The following PDE1C variants were observed in gnomAD, a reference collection of about 807,000 sequenced individuals.
PDE1C encodes dual specificity calcium/calmodulin-dependent 3',5'-cyclic nucleotide phosphodiesterase 1C.
Under a neutral mutation model 93.1 loss-of-function variants are expected in PDE1C, and 62 were observed. That is an observed-to-expected ratio of 0.67 (90% CI 0.54 to 0.82). PDE1C has a LOEUF of 0.82. PDE1C is among the 40% of genes least tolerant of loss of function. PDE1C has a pLI of 0.00. For missense variants in PDE1C, 742 were observed against 884.6 expected, an observed-to-expected ratio of 0.84 and a Z score of 2.04; for synonymous variants, 325 against 310.1, an observed-to-expected ratio of 1.05 and a Z score of -0.50.
chr7:31,733,912 G>T, the PDE1C span, among the ~76,000 whole-genome samples: 1 of 152,206 alleles, frequency 6.6e-6, no homozygotes, highest in African/African-American at 2.4e-5. Context: ...GCTGAGGCAA[G>T]AAGATCGCTT....
chr7:32,264,845 C>T (rs1177946211), intron 1 of PDE1C, among the ~76,000 whole-genome samples: 5 of 152,170 alleles, frequency 3.3e-5, no homozygotes, highest in Non-Finnish European at 7.3e-5. Flanking sequence ...TACTGAGGAG[C>T]CTCTTGCACT....
chr7:31,753,584 G>C (rs759153311), intron 17 of PDE1C, 31 bp from the exon 18 acceptor site: 4 of 1,596,356 alleles, frequency 2.5e-6, no homozygotes. Flanking sequence ...GACAGACAAC[G>C]GTTAGCCTCA....
intron 2 of PDE1C, among the ~76,000 whole-genome samples, chr7:31,882,175 A>G (rs1797336955): frequency 6.6e-6 from 1 of 152,228 alleles, no homozygotes; most frequent in South Asian, 2.1e-4. Context: ...TACAAATAAC[A>G]TTAGATTCAG....
intron 16 of PDE1C, among the ~76,000 whole-genome samples, chr7:31,796,284 T>C (rs908452971): frequency 2.6e-5 from 4 of 151,538 alleles, no homozygotes; most frequent in African/African-American, 9.7e-5. Flanking sequence ...GTATGATTTA[T>C]GTATGTGTGT....
intron 16 of PDE1C, among the ~76,000 whole-genome samples, chr7:31,794,093 T>TAGATAGATAGATAGATAGATAGATAGAG (rs1784978934): frequency 7.5e-6 from 1 of 132,880 alleles, no homozygotes; most frequent in African/African-American, 3.0e-5. Context: ...GACAGACAGA[T>TAGATAGATAGATAGATAGATAGATAGAG]AGATAGACAG....
At chr7:31,877,939 G>A (rs1796792024) in intron 5 of PDE1C, 31 bp downstream of exon 5, 1 of 1,466,422 alleles carries the variant, frequency 6.8e-7, no homozygotes, top group Non-Finnish European at 9.5e-7. Context: ...TAGGTACCAT[G>A]TACATTGTAA....
At chr7:31,699,037 C>T in the PDE1C span, among the ~76,000 whole-genome samples, 1 of 152,120 alleles carries the variant, frequency 6.6e-6, no homozygotes, top group Non-Finnish European at 1.5e-5. Context: ...AAGAAAAAGT[C>T]CTTGCTCTCA....
At chr7:32,192,544 T>C (rs989669494) in intron 2 of PDE1C, among the ~76,000 whole-genome samples, 5 of 152,178 alleles carry the variant, frequency 3.3e-5, no homozygotes, top group Non-Finnish European at 7.4e-5. Flanking sequence ...ATTCTATTAA[T>C]TTGTAAGTCT....
the PDE1C span, among the ~76,000 whole-genome samples, chr7:31,733,608 T>A: frequency 1.3e-5 from 2 of 152,210 alleles, no homozygotes; most frequent in African/African-American, 4.8e-5. Context: ...TCCTGCTGCC[T>A]GGAATGCAGT....
intron 1 of PDE1C, among the ~76,000 whole-genome samples, chr7:32,338,785 C>T (rs1164227143): frequency 2.6e-5 from 4 of 152,070 alleles, no homozygotes; most frequent in East Asian, 1.9e-4. Context: ...GGGCGGATCA[C>T]GAGGTCAGGA....
the PDE1C span, among the ~76,000 whole-genome samples, chr7:31,710,211 A>C: frequency 6.6e-6 from 1 of 152,208 alleles, no homozygotes; most frequent in East Asian, 1.9e-4. Context: ...TTCAGAAAGA[A>C]GGCTCAAACT....
At chr7:31,639,625 C>T in the PDE1C span, among the ~76,000 whole-genome samples, 2 of 151,298 alleles carry the variant, frequency 1.3e-5, no homozygotes, top group East Asian at 3.9e-4. Context: ...AAAGCTCTGC[C>T]TCCCGGGTTC....
At chr7:31,826,625 C>T (rs1197620881) in intron 12 of PDE1C, among the ~76,000 whole-genome samples, 5 of 152,096 alleles carry the variant, frequency 3.3e-5, no homozygotes, top group African/African-American at 4.8e-5. Flanking sequence ...CTCAGCTTTG[C>T]GTTCAGCCAA....
intron 2 of PDE1C, among the ~76,000 whole-genome samples, chr7:31,900,276 A>C (rs1799807268): frequency 6.6e-6 from 1 of 152,154 alleles, no homozygotes; most frequent in Non-Finnish European, 1.5e-5. Flanking sequence ...TGTCTGTTGC[A>C]TAATTACAAA....
intron 2 of PDE1C, among the ~76,000 whole-genome samples, chr7:32,024,890 C>T (rs974359288): frequency 1.1e-4 from 16 of 152,120 alleles, no homozygotes; most frequent in African/African-American, 3.9e-4. Flanking sequence ...CACTACCTTT[C>T]CTCATTTTAG....
intron 2 of PDE1C, among the ~76,000 whole-genome samples, chr7:31,995,105 TG>T (rs760837530): frequency 6.6e-6 from 1 of 152,230 alleles, no homozygotes; most frequent in Non-Finnish European, 1.5e-5. Flanking sequence ...TAAAAATGTT[TG>T]TTTCCAGATG....
chr7:31,914,053 G>C (rs771217828), intron 2 of PDE1C, among the ~76,000 whole-genome samples: 7 of 152,134 alleles, frequency 4.6e-5, no homozygotes, highest in Non-Finnish European at 8.8e-5. Flanking sequence ...GGTAAAAAAA[G>C]GGAAAATATA....
chr7:31,665,374 T>C, the PDE1C span, among the ~76,000 whole-genome samples: 1 of 152,190 alleles, frequency 6.6e-6, no homozygotes, highest in African/African-American at 2.4e-5. Flanking sequence ...ATTATTTTTA[T>C]TTCTTTATTA....
intron 2 of PDE1C, among the ~76,000 whole-genome samples, chr7:32,003,014 A>G (rs1019208689): frequency 6.6e-6 from 1 of 152,244 alleles, no homozygotes; most frequent in Non-Finnish European, 1.5e-5. Flanking sequence ...TCTGAGGTCT[A>G]CTAATATACT....
Sources: allele counts gnomAD v4.1 joint callset (sites outside exome capture counted in the v4.1 genomes callset), GRCh38; gene constraint gnomAD v4.1.1; transcripts MANE v1.5; gene names NCBI Gene and HGNC (gene_info 2026-07-23, HGNC 2026-07-21).